The following SEMA6D variants were observed in gnomAD, a reference collection of about 807,000 sequenced individuals.
The protein encoded by SEMA6D is semaphorin 6D.
SEMA6D carries 35 observed loss-of-function variants against 106.6 expected under a neutral mutation model. That is an observed-to-expected ratio of 0.33 (90% CI 0.25 to 0.44). The LOEUF (loss-of-function observed/expected upper bound fraction) is 0.44. Among genes scored for constraint, SEMA6D ranks in the 20% least tolerant of loss-of-function variants. SEMA6D has a pLI of 1.00. For synonymous variants in SEMA6D, 499 were observed against 487.7 expected (o/e 1.02, Z -0.31); for missense variants, 1,185 against 1,345.9 (o/e 0.88, Z 1.87).
chr15:47,393,109 A>C (rs1025145), intron 1 of SEMA6D, among the ~76,000 whole-genome samples: 1 of 152,072 alleles, frequency 6.6e-6, no homozygotes, highest in African/African-American at 2.4e-5. Context: ...ATATATGGGC[A>C]TTGGAAAATT....
chr15:47,223,276 G>C (rs1245214455), intron 1 of SEMA6D, among the ~76,000 whole-genome samples: 1 of 151,994 alleles, frequency 6.6e-6, no homozygotes, highest in Non-Finnish European at 1.5e-5. Flanking sequence ...TGCAATTTTA[G>C]GTATATGTTT....
intron 4 of SEMA6D, among the ~76,000 whole-genome samples, chr15:47,661,287 C>T (rs893990836): frequency 1.3e-5 from 2 of 152,164 alleles, no homozygotes; most frequent in Non-Finnish European, 2.9e-5. Flanking sequence ...TCACATCCTT[C>T]TTTTTTACTA....
In SEMA6D at chr15:47,763,920, A is replaced by G; in HGVS notation, c.818A>G (p.His273Arg). 4 of 1,613,982 alleles carry G rather than the reference A, an allele frequency of 2.5e-6. No homozygotes were observed. The highest frequency in any genetic ancestry group is 3.4e-6 in the Non-Finnish European group (4 of 1,179,898). Residue 273 changes from histidine (H) to arginine (R), a missense_variant, in exon 10 of 19, where the codon CAC (histidine) becomes CGC (arginine). Coordinates refer to ENST00000536845, the MANE Select transcript of SEMA6D (RefSeq NM_001358351.3). ...GGTTCCCAGCGGGTCCTGGAGAAAC[A>G]CTGGACTTCATTTCTAAAGGCTCGG... ...MGGSQRVLEK[H>R]WTSFLKARLN...
chr15:47,532,700 G>A (rs2045012572), intron 3 of SEMA6D, among the ~76,000 whole-genome samples: 1 of 152,118 alleles, frequency 6.6e-6, no homozygotes, highest in Admixed American at 6.5e-5. Context: ...CACAGTGGCT[G>A]GTAAAGATCC....
At chr15:47,411,165 G>A (rs769074698) in intron 1 of SEMA6D, among the ~76,000 whole-genome samples, 20 of 151,836 alleles carry the variant, frequency 1.3e-4, no homozygotes, top group Admixed American at 2.6e-4. Flanking sequence ...GCACAGTCTC[G>A]GCTCACTGCA....
At chr15:47,287,920 C>T (rs1158497885) in intron 1 of SEMA6D, among the ~76,000 whole-genome samples, 2 of 151,984 alleles carry the variant, frequency 1.3e-5, no homozygotes, top group Non-Finnish European at 2.9e-5. Flanking sequence ...AAGGAGGCCT[C>T]AGGAAGCTTA....
rs115851164 is a variant in SEMA6D, at chr15:47,443,447, T to G, written c.-158-27027T>G. 6.1e-3 allele frequency among the ~76,000 whole-genome samples: 930 copies of G among 152,146 alleles called. 12 individuals are homozygous for G. The highest frequency in any genetic ancestry group is 0.021 in the African/African-American group (886 of 41,530). ...CAAATTAACCCACATGGCATGACCA[T>G]ATAGAGGTCCCAAGACTACAACAAC... On this transcript the variant is annotated intron_variant, in intron 2 of 19. Coordinates refer to the SEMA6D transcript ENST00000558014.
At chr15:47,600,089 C>T (rs1015974142) in intron 3 of SEMA6D, among the ~76,000 whole-genome samples, 2 of 151,994 alleles carry the variant, frequency 1.3e-5, no homozygotes, top group African/African-American at 4.8e-5. Context: ...TTAAGTCTTT[C>T]TAGCCCAAGT....
intron 1 of SEMA6D, among the ~76,000 whole-genome samples, chr15:47,400,692 C>CTAGGA (rs1401658805): frequency 1.3e-5 from 2 of 152,150 alleles, no homozygotes; most frequent in Non-Finnish European, 2.9e-5. Flanking sequence ...TCTTTTGAAC[C>CTAGGA]TACTCTTCGA....
intron 3 of SEMA6D, among the ~76,000 whole-genome samples, chr15:47,510,837 C>A (rs1461854593): frequency 6.6e-6 from 1 of 152,178 alleles, no homozygotes; most frequent in African/African-American, 2.4e-5. Flanking sequence ...GGAGACTCAT[C>A]TGTGGACCTC....
At chr15:47,267,301 GTC>G (rs1300954794) in intron 1 of SEMA6D, among the ~76,000 whole-genome samples, 1 of 151,698 alleles carries the variant, frequency 6.6e-6, no homozygotes, top group Non-Finnish European at 1.5e-5. Flanking sequence ...TTTTGGGGAA[GTC>G]TCTTTTTTTT....
At chr15:47,362,761 AAGCCTCTG>A (rs1359723414) in intron 1 of SEMA6D, among the ~76,000 whole-genome samples, 5 of 152,160 alleles carry the variant, frequency 3.3e-5, no homozygotes, top group African/African-American at 1.2e-4. Flanking sequence ...AGGCAGCTGC[AAGCCTCTG>A]AGCTTCACTG....
chr15:47,543,336 G>A (rs1425510660), intron 3 of SEMA6D, among the ~76,000 whole-genome samples: 2 of 152,012 alleles, frequency 1.3e-5, no homozygotes, highest in Admixed American at 1.3e-4. Flanking sequence ...CATGGGGGTG[G>A]TTTCCCCCCA....
chr15:47,504,018 G>A (rs979422094), intron 3 of SEMA6D, among the ~76,000 whole-genome samples: 13 of 152,124 alleles, frequency 8.5e-5, no homozygotes, highest in African/African-American at 2.7e-4. Flanking sequence ...TAGGAACCCC[G>A]AGGCTCAGTT....
chr15:47,663,807 G>A lies in SEMA6D; in HGVS notation c.-55+62911G>A, dbSNP rs529570406. Among the ~76,000 whole-genome samples the A allele has an allele frequency of 2.6e-5, 4 of 152,298 alleles. No individual in the cohort carries two copies. The South Asian group carries it at 6.2e-4, about 24-fold the overall frequency. On this transcript the variant is annotated intron_variant, in intron 4 of 19. Transcript: ENST00000558014. ...TGTCACTCTCTTTCAGAAAATCCAG[G>A]CACATGGATGTGGTAATTAAATTCA...
At chr15:47,459,686 C>G (rs1452033329) in intron 2 of SEMA6D, among the ~76,000 whole-genome samples, 5 of 152,028 alleles carry the variant, frequency 3.3e-5, no homozygotes, top group African/African-American at 1.2e-4. Flanking sequence ...ATAATAACCT[C>G]AAAACAAACA....
intron 3 of SEMA6D, among the ~76,000 whole-genome samples, chr15:47,500,198 C>T (rs1305783790): frequency 6.6e-6 from 1 of 152,104 alleles, no homozygotes; most frequent in African/African-American, 2.4e-5. Flanking sequence ...CTCTGTTTAA[C>T]AGACACTTCC....
intron 1 of SEMA6D, among the ~76,000 whole-genome samples, chr15:47,737,580 T>G (rs894930187): frequency 6.6e-6 from 1 of 152,188 alleles, no homozygotes; most frequent in Non-Finnish European, 1.5e-5. Flanking sequence ...CTTCCTAGTA[T>G]TGCATCATAA....
intron 3 of SEMA6D, among the ~76,000 whole-genome samples, chr15:47,552,117 C>G (rs1363629647): frequency 2.6e-5 from 4 of 151,938 alleles, no homozygotes; most frequent in Non-Finnish European, 5.9e-5. Flanking sequence ...CATCTAAGTG[C>G]CCAATAGTAG....
Sources: allele counts gnomAD v4.1 joint callset (sites outside exome capture counted in the v4.1 genomes callset), GRCh38; gene constraint gnomAD v4.1.1; transcripts MANE v1.5; gene names NCBI Gene and HGNC (gene_info 2026-07-23, HGNC 2026-07-21).